SLC26A5: variants seen among roughly 807,000 people sequenced by gnomAD.
SLC26A5 encodes the protein solute carrier family 26 member 5, also known as prestin.
A neutral mutation model predicts 81.0 loss-of-function variants in SLC26A5; 51 were observed. The ratio of observed to expected loss-of-function variants is 0.63; its 90% CI spans 0.50 to 0.80. The LOEUF (loss-of-function observed/expected upper bound fraction) is 0.80. Ranked by LOEUF, SLC26A5 falls within the 30% of genes least tolerant of loss-of-function variation. The probability of loss-of-function intolerance (pLI) is 0.00; values close to 1 mark genes in which losing one functional copy is unlikely to be tolerated. For synonymous variants in SLC26A5, 325 were observed against 332.8 expected, an observed-to-expected ratio of 0.98 and a Z score of 0.25; for missense variants, 771 against 905.8, an observed-to-expected ratio of 0.85 and a Z score of 1.91.
intron 19 of SLC26A5, chr7:103,366,232 G>T: frequency 7.4e-7 from 1 of 1,356,582 alleles, no homozygotes; most frequent in Non-Finnish European, 1.0e-6. Context: ...GATATGTCGT[G>T]ATATGTTAAT....
chr7:103,411,602 A>G lies in SLC26A5; in HGVS notation c.404-16T>C, dbSNP rs779102649. The G allele has an allele frequency of 1.2e-6, 2 of 1,614,074 alleles. No individual in the cohort carries two copies. Among genetic ancestry groups the G allele is most frequent in the South Asian group, 2.2e-5 (2 of 91,082 alleles). On this transcript the variant is annotated splice_polypyrimidine_tract_variant and intron_variant, in intron 5 of 19. Coordinates refer to ENST00000306312, the MANE Select transcript of SLC26A5 (RefSeq NM_198999.3). ...GCAAAAGGACCTGAAATAATGAAGC[A>G]TGAAGATCCCTGTTCAGGGTTCAGA...
intron 19 of SLC26A5, among the ~76,000 whole-genome samples, chr7:103,364,556 C>T (rs998307196): frequency 6.6e-6 from 1 of 152,106 alleles, no homozygotes; most frequent in Non-Finnish European, 1.5e-5. Flanking sequence ...ACCATGGCTA[C>T]ATGCCACCAC....
At chr7:103,398,850 G>A (rs907302793) in intron 8 of SLC26A5, among the ~76,000 whole-genome samples, 1 of 152,104 alleles carries the variant, frequency 6.6e-6, no homozygotes, top group Non-Finnish European at 1.5e-5. Flanking sequence ...GAGACCAGGG[G>A]CATGGGTGAT....
intron 11 of SLC26A5, among the ~76,000 whole-genome samples, chr7:103,391,289 A>G (rs548430376): frequency 6.6e-6 from 1 of 152,360 alleles, no homozygotes; most frequent in African/African-American, 2.4e-5. Flanking sequence ...CATTTCCATC[A>G]TTGCGGAAAG....
intron 8 of SLC26A5, among the ~76,000 whole-genome samples, chr7:103,402,614 T>A (rs1194222382): frequency 6.6e-6 from 1 of 152,066 alleles, no homozygotes; most frequent in Non-Finnish European, 1.5e-5. Context: ...TTGGCCAATA[T>A]GGTCTTGATC....
chr7:103,382,008 C>T (rs1821837663), intron 14 of SLC26A5, among the ~76,000 whole-genome samples: 1 of 152,034 alleles, frequency 6.6e-6, no homozygotes. Context: ...TACCTCCCCT[C>T]CCCCCAACAC....
intron 2 of SLC26A5, among the ~76,000 whole-genome samples, chr7:103,427,022 C>T (rs1297175792): frequency 6.6e-6 from 1 of 152,042 alleles, no homozygotes. Flanking sequence ...TCCATTTCGC[C>T]ACAGGCAGGA....
intron 4 of SLC26A5, among the ~76,000 whole-genome samples, chr7:103,415,709 C>CT (rs891343884): frequency 2.6e-5 from 4 of 152,188 alleles, no homozygotes. Context: ...CATTATGTGA[C>CT]TTTTTTTCTT....
At chr7:103,406,549 C>G (rs1824065944) in intron 8 of SLC26A5, among the ~76,000 whole-genome samples, 1 of 152,130 alleles carries the variant, frequency 6.6e-6, no homozygotes, top group African/African-American at 2.4e-5. Flanking sequence ...AGCCGGATTC[C>G]TCAGGTGGAA....
At chr7:103,389,150 G>A (rs777200172) in intron 13 of SLC26A5, 36 bp from the exon 14 acceptor site, 1 of 1,488,048 alleles carries the variant, frequency 6.7e-7, no homozygotes, top group Admixed American at 1.7e-5. Context: ...GGAGAACCAT[G>A]TTAAACATCC....
chr7:103,377,914 G>C, intron 17 of SLC26A5, 115 bp from the exon 18 acceptor site: 1 of 933,468 alleles, frequency 1.1e-6, no homozygotes, highest in Non-Finnish European at 1.7e-6. Context: ...GACTCTACCA[G>C]ACCCCTTGTA....
rs1239515733 is a variant in SLC26A5 at position 103,410,537 on chromosome 7, C to T, written c.583G>A (p.Val195Ile). ...ATGGCCACAAATCCAAACCTACAGA[C>T]ACCTAGGCAAAACTATTTTTTTTTA... is the stretch of plus-strand genomic sequence containing the variant. ...LSGIIQFCLG[V>I]CRFGFVAIYL... Residue 195 changes from valine (V) to isoleucine (I), a missense_variant, in exon 7 of 20, where the codon GTC becomes ATC. Transcript: ENST00000306312. The T allele has an allele frequency of 6.2e-7, 1 of 1,613,022 alleles. No homozygotes were observed. The highest frequency in any genetic ancestry group is 8.5e-7 in the Non-Finnish European group (1 of 1,179,512).
At chr7:103,396,912 T>C (rs905349087) in intron 9 of SLC26A5, among the ~76,000 whole-genome samples, 2 of 150,944 alleles carry the variant, frequency 1.3e-5, no homozygotes, top group African/African-American at 4.9e-5. Context: ...CTGGCCAACA[T>C]AGTGAAACCC....
At chr7:103,397,252 T>G (rs1160411737) in intron 9 of SLC26A5, among the ~76,000 whole-genome samples, 1 of 150,948 alleles carries the variant, frequency 6.6e-6, no homozygotes, top group African/African-American at 2.4e-5. Context: ...ACTAAAAATA[T>G]AAAAATTAGC....
downstream of SLC26A5, among the ~76,000 whole-genome samples, chr7:103,372,305 T>C (rs770410469): frequency 9.9e-5 from 15 of 152,230 alleles, no homozygotes; most frequent in Non-Finnish European, 2.1e-4. Flanking sequence ...CACCACAGGC[T>C]TTGGTTGCAA....
intron 2 of SLC26A5, among the ~76,000 whole-genome samples, chr7:103,435,728 C>A (rs1412603620): frequency 6.6e-6 from 1 of 152,090 alleles, no homozygotes; most frequent in African/African-American, 2.4e-5. Context: ...ACAGGGGGTT[C>A]TTTCTAGGGG....
At chr7:103,411,091 G>A (rs1033395374) in intron 6 of SLC26A5, among the ~76,000 whole-genome samples, 4 of 152,080 alleles carry the variant, frequency 2.6e-5, no homozygotes, top group African/African-American at 9.7e-5. Context: ...TGAGCTGGGG[G>A]CATGCTTCAT....
intron 19 of SLC26A5, chr7:103,368,628 A>G (rs1820849319): frequency 6.6e-6 from 1 of 152,176 alleles, no homozygotes; most frequent in African/African-American, 2.4e-5. Flanking sequence ...CATTGGATGT[A>G]TATGTTTTGC....
chr7:103,421,024 G>A, intron 3 of SLC26A5, 147 bp from the exon 4 acceptor site: 1 of 844,000 alleles, frequency 1.2e-6, no homozygotes, highest in East Asian at 2.6e-5. Flanking sequence ...AAACAGGGTA[G>A]GAGTCAGGGA....
Sources: allele counts gnomAD v4.1 joint callset (sites outside exome capture counted in the v4.1 genomes callset), GRCh38; gene constraint gnomAD v4.1.1; transcripts MANE v1.5; gene names NCBI Gene and HGNC (gene_info 2026-07-23, HGNC 2026-07-21).